The following AGBL1 variants were observed in gnomAD, a reference collection of about 807,000 sequenced individuals.
AGBL1 encodes the protein cytosolic carboxypeptidase 4.
AGBL1 carries 130 observed loss-of-function variants against 118.9 expected under a neutral mutation model. The observed-to-expected ratio is 1.09, with a 90% CI of 0.95 to 1.26. AGBL1 has a LOEUF of 1.26. AGBL1 is among the 50% of genes most tolerant of loss of function. The probability of loss-of-function intolerance (pLI) is 0.00; values close to 1 mark genes in which losing one functional copy is unlikely to be tolerated. For synonymous variants in AGBL1, 555 were observed against 478.9 expected (o/e 1.16, Z -2.08); for missense variants, 1,584 against 1,298.1 (o/e 1.22, Z -3.38).
At chr15:86,373,291 C>T (rs1326940563) in intron 17 of AGBL1, among the ~76,000 whole-genome samples, 1 of 151,990 alleles carries the variant, frequency 6.6e-6, no homozygotes, top group African/African-American at 2.4e-5. Flanking sequence ...AATTACTTTC[C>T]CCCGGAAGAA....
Position 86,886,126 on chromosome 15 carries a change from G to A in AGBL1, c.3159-20961G>A, listed in dbSNP as rs1016421119. Among the ~76,000 whole-genome samples the A allele has an allele frequency of 4.6e-5, 7 of 151,840 alleles. No individual in the cohort carries two copies. In the South Asian group the frequency reaches 8.3e-4, roughly 18 times the overall value. ...TCTATCCATCTGTACTTTCTTTATC[G>A]AAACTGTAAACATCCTGTTCTCATA... On this transcript the variant is annotated intron_variant, in intron 22 of 22. Transcript: ENST00000614907.
chr15:86,256,678 A>G (rs1199015593), intron 7 of AGBL1, among the ~76,000 whole-genome samples, 175 bp from the exon 8 acceptor site: 1 of 152,248 alleles, frequency 6.6e-6, no homozygotes, highest in Non-Finnish European at 1.5e-5. Flanking sequence ...TGGAATGTTC[A>G]AATTTGACAT....
At chr15:86,647,537 C>A (rs984969799) in intron 21 of AGBL1, among the ~76,000 whole-genome samples, 3 of 152,116 alleles carry the variant, frequency 2.0e-5, no homozygotes, top group African/African-American at 7.2e-5. Flanking sequence ...CCCGTCTCTA[C>A]TAAAAATACA....
Position 86,580,328 on chromosome 15 carries a change from A to G in AGBL1, c.2994+25791A>G, listed in dbSNP as rs139685585. On this transcript the variant is annotated intron_variant, in intron 21 of 22. Coordinates refer to ENST00000614907, the MANE Select transcript of AGBL1 (RefSeq NM_001386094.1). ...TTTGTACTTTTAGTATTGAAAGTAT[A>G]CTTTTGGCTGAAAAAAGGGAGTCTG... 1.3e-4 allele frequency among the ~76,000 whole-genome samples: 20 copies of G among 152,268 alleles called. 1 individual carries two copies. The East Asian group carries it at 3.9e-3, about 29-fold the overall frequency.
intron 24 of AGBL1, among the ~76,000 whole-genome samples, chr15:87,017,523 C>T (rs547564637): frequency 1.3e-5 from 2 of 152,208 alleles, no homozygotes; most frequent in Admixed American, 1.3e-4. Context: ...CCATAGTGGA[C>T]CCCTAGAAAA....
At chr15:86,693,063 A>G (rs1242602434) in intron 22 of AGBL1, among the ~76,000 whole-genome samples, 1 of 152,096 alleles carries the variant, frequency 6.6e-6, no homozygotes, top group Admixed American at 6.6e-5. Context: ...TTGTGCTGCT[A>G]TAGACAGGCA....
chr15:86,430,075 G>A (rs2081916655), intron 18 of AGBL1, among the ~76,000 whole-genome samples: 1 of 152,132 alleles, frequency 6.6e-6, no homozygotes, highest in African/African-American at 2.4e-5. Flanking sequence ...TCGTATCAAT[G>A]TCATTATATG....
At chr15:86,084,161 T>C (rs752118662) in intron 1 of AGBL1, among the ~76,000 whole-genome samples, 4 of 152,226 alleles carry the variant, frequency 2.6e-5, no homozygotes, top group African/African-American at 7.2e-5. Context: ...AAATTACATC[T>C]GTCAGTGCCT....
At chr15:86,083,817 T>C (rs917796535) in intron 1 of AGBL1, 8 of 152,362 alleles carry the variant, frequency 5.3e-5, no homozygotes, top group African/African-American at 1.9e-4. Context: ...AAATTTTCCC[T>C]TGTAGAACTC....
chr15:86,474,265 A>C (rs925319407), intron 18 of AGBL1, among the ~76,000 whole-genome samples: 1 of 152,198 alleles, frequency 6.6e-6, no homozygotes, highest in Non-Finnish European at 1.5e-5. Flanking sequence ...TGTCAGCCGA[A>C]GAAGGGCAAG....
chr15:86,583,330 A>C (rs2084200049), intron 21 of AGBL1, among the ~76,000 whole-genome samples: 1 of 151,230 alleles, frequency 6.6e-6, no homozygotes, highest in Non-Finnish European at 1.5e-5. Flanking sequence ...AAGTTTCTCA[A>C]CCCTTGCCCC....
chr15:86,475,075 C>T (rs150943491), intron 18 of AGBL1, among the ~76,000 whole-genome samples: 15,819 of 152,184 alleles, frequency 0.1, 919 homozygotes, highest in South Asian at 0.17. Context: ...CCCATCTGTA[C>T]GTCACCATCT....
chr15:86,349,999 C>A (rs1201073255), intron 17 of AGBL1, among the ~76,000 whole-genome samples: 1 of 152,144 alleles, frequency 6.6e-6, no homozygotes, highest in African/African-American at 2.4e-5. Context: ...AAGTACTAAG[C>A]AAAACTTTTA....
chr15:86,142,161 T>C, intron 2 of AGBL1, 94 bp downstream of exon 2: 1 of 1,303,702 alleles, frequency 7.7e-7, no homozygotes, highest in Non-Finnish European at 1.1e-6. Context: ...GGGGGTTTGC[T>C]CTTGCTTCAG....
chr15:87,013,556 C>T (rs967281835), intron 24 of AGBL1, among the ~76,000 whole-genome samples: 28 of 151,134 alleles, frequency 1.9e-4, no homozygotes, highest in Non-Finnish European at 3.7e-4. Flanking sequence ...TACAAGACTC[C>T]TAAAGATTTA....
At chr15:86,391,082 G>A (rs918530747) in intron 17 of AGBL1, among the ~76,000 whole-genome samples, 2 of 150,846 alleles carry the variant, frequency 1.3e-5, no homozygotes, top group Non-Finnish European at 2.9e-5. Context: ...AGGATTGCCT[G>A]CAAAGTGAAA....
At chr15:86,453,324 A>G (rs1163261165) in intron 18 of AGBL1, among the ~76,000 whole-genome samples, 1 of 152,244 alleles carries the variant, frequency 6.6e-6, no homozygotes, top group Non-Finnish European at 1.5e-5. Flanking sequence ...CTCTACAGAA[A>G]CAGACAGATA....
At chr15:86,139,801 T>C (rs1304254625) in intron 1 of AGBL1, 1 of 155,884 alleles carries the variant, frequency 6.4e-6, no homozygotes. Context: ...TTCCTTAGTT[T>C]AAGTGGGGCC....
At chr15:86,606,500 A>G (rs1465235471) in intron 21 of AGBL1, among the ~76,000 whole-genome samples, 1 of 152,190 alleles carries the variant, frequency 6.6e-6, no homozygotes, top group Non-Finnish European at 1.5e-5. Context: ...TAATTGTTGA[A>G]CAACTCACCA....
Sources: allele counts gnomAD v4.1 joint callset (sites outside exome capture counted in the v4.1 genomes callset), GRCh38; gene constraint gnomAD v4.1.1; transcripts MANE v1.5; gene names NCBI Gene and HGNC (gene_info 2026-07-23, HGNC 2026-07-21).